Variants in FHIP2A observed in about 807,000 individuals in gnomAD.
FHIP2A encodes the protein family with sequence similarity 160 member B1.
A neutral mutation model predicts 93.5 loss-of-function variants in FHIP2A; 46 were observed. The ratio of observed to expected loss-of-function variants is 0.49; its 90% CI spans 0.39 to 0.63. FHIP2A has a LOEUF of 0.63. FHIP2A is among the 20% of genes least tolerant of loss of function. The pLI is 0.00. For missense variants in FHIP2A, 769 were observed against 909.7 expected (o/e 0.85, Z 1.99); for synonymous variants, 332 against 326.5 (o/e 1.02, Z -0.18).
chr10:114,867,002 A>G (rs1007082106), downstream of FHIP2A, among the ~76,000 whole-genome samples: 8 of 152,140 alleles, frequency 5.3e-5, no homozygotes, highest in Admixed American at 1.3e-4. Context: ...TGAGGTCAGG[A>G]GTTTGAGACC....
At chr10:114,894,515 G>A (rs889351606) in intron 16 of FHIP2A, among the ~76,000 whole-genome samples, 2 of 152,202 alleles carry the variant, frequency 1.3e-5, no homozygotes, top group Non-Finnish European at 2.9e-5. Flanking sequence ...GCTGCAGTGA[G>A]CGGTGATTGT....
Position 114,892,596 on chromosome 10 carries a change from C to T in FHIP2A, c.2193-6894C>T, listed in dbSNP as rs538042954. 2.7e-3 allele frequency among the ~76,000 whole-genome samples: 412 copies of T among 152,080 alleles called. 1 individual carries two copies. Among genetic ancestry groups the T allele is most frequent in the Middle Eastern group, 0.017 (5 of 292 alleles). The stretch of plus-strand genomic sequence containing the variant: ...GAGGTTGCAGTGAGTGGAGACGGTG[C>T]CACTGCACTCCAGCCTGGGTGACAG... On this transcript the variant is annotated intron_variant, in intron 16 of 16. Transcript: ENST00000369250.
chr10:114,889,252 G>A (rs922527748), intron 16 of FHIP2A, among the ~76,000 whole-genome samples: 3 of 152,136 alleles, frequency 2.0e-5, no homozygotes, highest in African/African-American at 7.2e-5. Context: ...AGAAAAGGTT[G>A]AGAGGAGAAG....
chr10:114,885,224 G>A (rs1212331400), intron 16 of FHIP2A, among the ~76,000 whole-genome samples: 11 of 151,812 alleles, frequency 7.2e-5, no homozygotes, highest in Admixed American at 2.0e-4. Context: ...GTGAAATCCC[G>A]TCTCTACTAA....
intron 13 of FHIP2A, 142 bp from the exon 14 acceptor site, chr10:114,855,055 T>C: frequency 1.3e-6 from 1 of 752,538 alleles, no homozygotes; most frequent in Admixed American, 2.9e-5. Flanking sequence ...GAGTCATCTC[T>C]TCCCCCTCTC....
chr10:114,898,321 T>C (rs577387026), intron 16 of FHIP2A, among the ~76,000 whole-genome samples: 7 of 152,280 alleles, frequency 4.6e-5, no homozygotes, highest in Non-Finnish European at 1.0e-4. Flanking sequence ...TCCCACTTGC[T>C]CCTATGGCAC....
chr10:114,882,718 C>T (rs2083923048), intron 16 of FHIP2A, among the ~76,000 whole-genome samples: 2 of 151,856 alleles, frequency 1.3e-5, no homozygotes, highest in African/African-American at 4.8e-5. Context: ...ACTAAAAATA[C>T]AAAAAAATTA....
intron 5 of FHIP2A, among the ~76,000 whole-genome samples, chr10:114,839,897 A>G (rs1031197589): frequency 1.6e-4 from 24 of 151,664 alleles, no homozygotes; most frequent in East Asian, 7.7e-4. Flanking sequence ...AAAAAAAAAA[A>G]AAAAGAAAAG....
In FHIP2A at chr10:114,855,114, A is replaced by G. The variant is rs777042735; in HGVS notation, c.1804-83A>G. The G allele has an allele frequency of 3.5e-6, 5 of 1,441,756 alleles. No homozygotes were observed. In the African/African-American group the frequency reaches 4.3e-5, roughly 12 times the overall value. 89.3% of individuals were successfully genotyped at this position (1,441,756 alleles called of 1,614,324 possible). A position where few individuals can be genotyped will look rare whatever the true frequency, so the allele number is the denominator to read the frequency against. ...ACATTCTGCATTCAAATGGTTTTTT[A>G]TATGCCTATTTAATGAAATCATTTC... is the stretch of plus-strand genomic sequence containing the variant. On this transcript the variant is annotated intron_variant, in intron 13 of 16. Transcript: ENST00000369248.
At chr10:114,890,187 C>A (rs144081520) in intron 16 of FHIP2A, among the ~76,000 whole-genome samples, 4,098 of 152,182 alleles carry the variant, frequency 0.027, 93 homozygotes, top group Middle Eastern at 0.041. Context: ...ACCACAACGC[C>A]TGGCTAATTT....
At chr10:114,861,209 G>A (rs145620128) in intron 15 of FHIP2A, 22 bp from the exon 16 acceptor site, 33,958 of 1,612,182 alleles carry the variant, frequency 0.021, 1,051 homozygotes, top group Admixed American at 0.15. Flanking sequence ...AGGAACTGAA[G>A]TGCCTTGCCT....
At chr10:114,822,801 C>A (rs758585) in intron 1 of FHIP2A, among the ~76,000 whole-genome samples, 80,447 of 152,054 alleles carry the variant, frequency 0.53, 21,644 homozygotes, top group African/African-American at 0.62. Context: ...CTCACCGAGC[C>A]CAGAGACCAT....
chr10:114,854,183 T>C (rs1236138600), intron 13 of FHIP2A, among the ~76,000 whole-genome samples: 1 of 151,420 alleles, frequency 6.6e-6, no homozygotes, highest in East Asian at 2.0e-4. Context: ...ACCAACACTT[T>C]TGTAAAATGC....
At chr10:114,874,197 A>G (rs1476997949) in intron 16 of FHIP2A, among the ~76,000 whole-genome samples, 21 of 152,192 alleles carry the variant, frequency 1.4e-4, no homozygotes, top group Non-Finnish European at 2.8e-4. Flanking sequence ...CAGAAGGGAA[A>G]CTTTCATAGT....
At position 114,843,829 on chromosome 10, in the gene FHIP2A, G is replaced by A. The variant is rs756315959; in HGVS notation, c.905G>A (p.Ser302Asn). 6.2e-7 allele frequency: 1 copy of A among 1,612,008 alleles called. No homozygotes were observed. ...GCGGCTGCAAAGTGCCTTACACAGA[G>A]CACTTGCTTGTGTGAACTACTGACA... ...EPAAAKCLTQSTCLCELLTDR... is the reference protein window; with the variant it reads ...EPAAAKCLTQNTCLCELLTDR... The change falls in exon 7 of 17, where the codon AGC becomes AAC. Residue 302 changes from serine to asparagine, a missense_variant. By Grantham distance (46) the Ser-to-Asn change is conservative. Coordinates refer to ENST00000369248, the MANE Select transcript of FHIP2A (RefSeq NM_020940.4).
At chr10:114,870,860 A>G (rs575666296) in intron 16 of FHIP2A, among the ~76,000 whole-genome samples, 23 of 151,986 alleles carry the variant, frequency 1.5e-4, no homozygotes, top group Non-Finnish European at 2.9e-4. Flanking sequence ...TACAAACTAC[A>G]TTTCTCCTTT....
chr10:114,846,589 C>G lies in FHIP2A; in HGVS notation c.1429C>G (p.His477Asp), dbSNP rs565004850. Residue 477 changes from histidine to aspartate, a missense_variant, in exon 11 of 17, where the codon CAT (histidine) becomes GAT (aspartate). His to Asp is a moderately conservative substitution (Grantham distance 81). Transcript: ENST00000369248. ...ISIMTLRMFE[H>D]LLQKPNEHIL... ...CATAATGACATTACGAATGTTTGAACATCTTTTACAAAAACCCAATGAGCA... is the reference window on the plus strand; with the variant it reads ...CATAATGACATTACGAATGTTTGAAGATCTTTTACAAAAACCCAATGAGCA... The G allele has an allele frequency of 3.7e-6, 6 of 1,601,772 alleles. No individual in the cohort carries two copies. The East Asian group carries it at 1.3e-4, about 36-fold the overall frequency.
chr10:114,841,128 A>G lies in FHIP2A; in HGVS notation c.523-1805A>G, dbSNP rs552177922. ...AGCCCCACAGAAGACCAGGATACCA[A>G]CAATCTTGAGTCTTACTTTGAGAAA... On this transcript the variant is annotated intron_variant, in intron 5 of 16. Transcript: ENST00000369248. Among the ~76,000 whole-genome samples the G allele has an allele frequency of 7.9e-5, 12 of 152,258 alleles. No individual in the cohort carries two copies. In the South Asian group the frequency reaches 8.3e-4, roughly 11 times the overall value.
At chr10:114,834,319 T>C (rs1426034143) in intron 3 of FHIP2A, among the ~76,000 whole-genome samples, 1 of 152,154 alleles carries the variant, frequency 6.6e-6, no homozygotes, top group Non-Finnish European at 1.5e-5. Flanking sequence ...CTCCTCCTCC[T>C]TTTTCCTGTC....
Sources: allele counts gnomAD v4.1 joint callset (sites outside exome capture counted in the v4.1 genomes callset), GRCh38; gene constraint gnomAD v4.1.1; transcripts MANE v1.5; gene names NCBI Gene and HGNC (gene_info 2026-07-23, HGNC 2026-07-21).